Variants in GRIA4 observed in about 807,000 individuals in gnomAD.
The protein encoded by GRIA4 is glutamate receptor 4.
In GRIA4, 34 loss-of-function variants were observed where a neutral mutation model predicts 104.0. The ratio of observed to expected loss-of-function variants is 0.33; its 90% CI spans 0.25 to 0.44. The LOEUF is 0.44. Among genes scored for constraint, GRIA4 ranks in the 20% least tolerant of loss-of-function variants. The pLI is 1.00. For synonymous variants in GRIA4, 386 were observed against 381.9 expected (o/e 1.01, Z -0.13); for missense variants, 750 against 1,096.5 (o/e 0.68, Z 4.46).
At chr11:105,939,040 C>T (rs1227682909) in intron 14 of GRIA4, among the ~76,000 whole-genome samples, 1 of 152,020 alleles carries the variant, frequency 6.6e-6, no homozygotes, top group East Asian at 1.9e-4. Context: ...ACAAACGTTG[C>T]TTTTTTTCTA....
intron 3 of GRIA4, among the ~76,000 whole-genome samples, chr11:105,670,806 T>G (rs1404181201): frequency 2.0e-5 from 3 of 152,132 alleles, no homozygotes; most frequent in African/African-American, 7.2e-5. Context: ...ACCACAAATG[T>G]AGTGCTTAAA....
chr11:105,936,453 T>C (rs620208), intron 14 of GRIA4, among the ~76,000 whole-genome samples: 1 of 152,182 alleles, frequency 6.6e-6, no homozygotes. Context: ...GTGAGACTTT[T>C]GTATTGCCTT....
intron 3 of GRIA4, among the ~76,000 whole-genome samples, chr11:105,631,276 T>C (rs568286389): frequency 5.9e-5 from 9 of 152,294 alleles, no homozygotes; most frequent in South Asian, 2.1e-4. Context: ...GTATCTATAA[T>C]GTACTTTAAA....
intron 15 of GRIA4, among the ~76,000 whole-genome samples, chr11:105,973,285 T>C (rs1858790503): frequency 2.0e-5 from 3 of 152,184 alleles, no homozygotes; most frequent in African/African-American, 7.2e-5. Context: ...GCTGAGAAGA[T>C]AATGACTACA....
At chr11:105,861,281 T>C (rs1356985826) in intron 4 of GRIA4, among the ~76,000 whole-genome samples, 4 of 152,180 alleles carry the variant, frequency 2.6e-5, no homozygotes, top group Non-Finnish European at 5.9e-5. Flanking sequence ...TATTTTTCCT[T>C]GTTCCATCCA....
chr11:105,735,613 T>C (rs543315028), intron 3 of GRIA4, among the ~76,000 whole-genome samples: 1 of 152,294 alleles, frequency 6.6e-6, no homozygotes, highest in Non-Finnish European at 1.5e-5. Context: ...TGAATGGACT[T>C]TTTATCTCTA....
At chr11:105,979,233 CA>C (rs1352687210) in intron 16 of GRIA4, among the ~76,000 whole-genome samples, 5 of 152,158 alleles carry the variant, frequency 3.3e-5, no homozygotes, top group African/African-American at 1.2e-4. Flanking sequence ...AGAATGTTGT[CA>C]AACATAAAAG....
At chr11:105,661,215 A>AT (rs1162364675) in intron 3 of GRIA4, among the ~76,000 whole-genome samples, 4 of 151,644 alleles carry the variant, frequency 2.6e-5, no homozygotes, top group Admixed American at 2.0e-4. Context: ...AGAGAAAAGC[A>AT]TGGGTAGACA....
At chr11:105,938,227 A>T (rs377125205) in intron 14 of GRIA4, among the ~76,000 whole-genome samples, 1 of 152,222 alleles carries the variant, frequency 6.6e-6, no homozygotes, top group African/African-American at 2.4e-5. Context: ...CTACTTTCAC[A>T]TATAAAATTT....
rs1055009141 is a variant in GRIA4, at chr11:105,823,929, A to G, written c.488-38095A>G. 5.3e-5 allele frequency among the ~76,000 whole-genome samples: 8 copies of G among 152,206 alleles called. No homozygotes were observed. The East Asian group carries it at 1.2e-3, about 22-fold the overall frequency. ...TTAGTGTGGTCCCTAATCCAATTTG[A>G]CTGATGTCCTTATACAAAGGGAATT... On this transcript the variant is annotated intron_variant, in intron 4 of 16. Transcript: ENST00000282499.
At chr11:105,838,274 C>G (rs906138552) in intron 4 of GRIA4, among the ~76,000 whole-genome samples, 2 of 152,154 alleles carry the variant, frequency 1.3e-5, no homozygotes, top group African/African-American at 4.8e-5. Context: ...TTTTTCTACA[C>G]AATGATGTAG....
At chr11:105,704,236 T>C (rs1334180692) in intron 3 of GRIA4, among the ~76,000 whole-genome samples, 1 of 152,014 alleles carries the variant, frequency 6.6e-6, no homozygotes, top group Admixed American at 6.6e-5. Flanking sequence ...AGAAGAAGTA[T>C]AGGTTTTATG....
chr11:105,924,820 T>G (rs779285437), intron 12 of GRIA4, 51 bp downstream of exon 12: 2 of 1,360,350 alleles, frequency 1.5e-6, no homozygotes, highest in Non-Finnish European at 2.0e-6. Context: ...TAATTCTAAA[T>G]GTTGTGCAGA....
At chr11:105,760,850 G>T (rs988309864) in intron 4 of GRIA4, among the ~76,000 whole-genome samples, 1 of 151,762 alleles carries the variant, frequency 6.6e-6, no homozygotes, top group African/African-American at 2.4e-5. Flanking sequence ...AACCCTTTGG[G>T]ATTTTTTTCA....
chr11:105,652,641 G>C (rs536198323), intron 3 of GRIA4, among the ~76,000 whole-genome samples: 1 of 151,970 alleles, frequency 6.6e-6, no homozygotes, highest in South Asian at 2.1e-4. Flanking sequence ...AGGAAATTGG[G>C]CTTCTTTTTT....
intron 3 of GRIA4, among the ~76,000 whole-genome samples, chr11:105,717,700 T>G (rs1173126033): frequency 1.3e-5 from 2 of 151,770 alleles, no homozygotes; most frequent in African/African-American, 4.8e-5. Flanking sequence ...TGTTCTCTCT[T>G]TTTTCTTTTT....
At chr11:105,694,672 T>C (rs1953206548) in intron 3 of GRIA4, among the ~76,000 whole-genome samples, 1 of 152,092 alleles carries the variant, frequency 6.6e-6, no homozygotes. Context: ...GTTCCTAAAG[T>C]TTACTCTTGA....
chr11:105,778,313 G>A (rs528031558), intron 4 of GRIA4, among the ~76,000 whole-genome samples: 1 of 152,160 alleles, frequency 6.6e-6, no homozygotes, highest in South Asian at 2.1e-4. Context: ...GACAGTCAGG[G>A]AAGGGGATCA....
intron 5 of GRIA4, among the ~76,000 whole-genome samples, chr11:105,879,256 T>A (rs534959660): frequency 2.0e-4 from 31 of 152,236 alleles, no homozygotes; most frequent in African/African-American, 6.7e-4. Flanking sequence ...ATGAGCCAGG[T>A]ATCTCAGTTG....
Sources: gnomAD v4.1 joint callset for allele counts (sites outside exome capture counted in the v4.1 genomes callset) on GRCh38, gnomAD v4.1.1 for gene constraint, MANE v1.5 for transcripts, NCBI Gene and HGNC (gene_info 2026-07-23, HGNC 2026-07-21) for gene names.